The following UBR1 variants were observed in gnomAD, a reference collection of about 807,000 sequenced individuals.
The protein encoded by UBR1 is E3 ubiquitin-protein ligase UBR1.
UBR1 carries 102 observed loss-of-function variants against 242.1 expected under a neutral mutation model. That is an observed-to-expected ratio of 0.42 (90% confidence interval 0.36 to 0.50). The LOEUF is 0.50. UBR1 is among the 20% of genes least tolerant of loss of function. The pLI is 0.01. For missense variants in UBR1, 1,772 were observed against 2,101.8 expected (o/e 0.84, Z 3.07); for synonymous variants, 675 against 684.8 (o/e 0.99, Z 0.22).
chr15:43,071,495 G>A (rs980832481), intron 4 of UBR1, among the ~76,000 whole-genome samples: 3 of 152,174 alleles, frequency 2.0e-5, no homozygotes, highest in African/African-American at 7.2e-5. Context: ...GAGTTTCAGT[G>A]TCACAAGATG....
intron 37 of UBR1, among the ~76,000 whole-genome samples, chr15:42,981,740 C>T (rs1020326257): frequency 6.6e-6 from 1 of 152,076 alleles, no homozygotes; most frequent in Non-Finnish European, 1.5e-5. Flanking sequence ...TCCGCCGCAC[C>T]CAGCCACTTG....
Position 43,036,543 on chromosome 15 carries a change from A to G in UBR1, c.2073T>C (p.Asp691=). 1 of 1,596,976 alleles carries G rather than the reference A, an allele frequency of 6.3e-7. No homozygotes were observed. The highest frequency in any genetic ancestry group is 8.6e-7 in the Non-Finnish European group (1 of 1,164,656). ...AAATAGGTACCTGAAGCATGATGAT[A>G]TCTTTATCATACATTTCTTCTCTGC... ...VKCREEMYDK[D]IIMLQIGASL... Residue 691 remains aspartate, a synonymous_variant, in exon 18 of 47, where the codon GAT becomes GAC. Transcript: ENST00000290650.
chr15:43,026,213 CAG>C (rs2141306606), intron 23 of UBR1: 1 of 254,136 alleles, frequency 3.9e-6, no homozygotes, highest in East Asian at 1.2e-4. Context: ...GCCTGGACAA[CAG>C]AGTGAGGCTC....
chr15:43,011,431 T>C (rs539043370), intron 29 of UBR1, among the ~76,000 whole-genome samples: 7 of 152,114 alleles, frequency 4.6e-5, no homozygotes, highest in Non-Finnish European at 8.8e-5. Flanking sequence ...TATAAGTCAG[T>C]AAGACAAGAG....
intron 33 of UBR1, among the ~76,000 whole-genome samples, chr15:42,991,244 C>A (rs1252228171): frequency 6.6e-6 from 1 of 151,780 alleles, no homozygotes; most frequent in Non-Finnish European, 1.5e-5. Context: ...CCACTGCACT[C>A]CAGCCTGGGC....
intron 30 of UBR1, among the ~76,000 whole-genome samples, chr15:43,004,969 G>A (rs2032786558): frequency 6.6e-6 from 1 of 151,564 alleles, no homozygotes; most frequent in Non-Finnish European, 1.5e-5. Flanking sequence ...TCTGAGATGT[G>A]GGGAGCACCT....
Position 43,056,411 on chromosome 15 carries a change from C to A in UBR1, c.1214G>T (p.Ser405Ile). 6.2e-7 allele frequency: 1 copy of A among 1,611,858 alleles called. No individual in the cohort carries two copies. Among genetic ancestry groups the A allele is most frequent in the Non-Finnish European group, 8.5e-7 (1 of 1,178,100 alleles). The change falls in exon 11 of 47, where the codon AGT becomes ATT. Residue 405 changes from serine (S) to isoleucine (I), a missense_variant. Around this residue, in one of 3 missense-constraint regions of UBR1, gnomAD observed 734 missense variants for 893.3 expected, o/e 0.82. Coordinates refer to ENST00000290650, the MANE Select transcript of UBR1 (RefSeq NM_174916.3). ...YYKQLQKEYI[S>I]DDHDRSISIT... Reference sequence around the variant, plus strand: ...AGAGATACTTCTGTCATGATCATCACTGATATATTCTTTCTGCAGTTGTTT... The same window carrying A: ...AGAGATACTTCTGTCATGATCATCAATGATATATTCTTTCTGCAGTTGTTT...
At chr15:43,100,749 C>A (rs2034222438) in intron 1 of UBR1, among the ~76,000 whole-genome samples, 1 of 152,110 alleles carries the variant, frequency 6.6e-6, no homozygotes. Flanking sequence ...GCAGGAGAAT[C>A]GCTTGAATCC....
At chr15:43,004,451 G>A (rs1444685823) in intron 30 of UBR1, among the ~76,000 whole-genome samples, 1 of 152,178 alleles carries the variant, frequency 6.6e-6, no homozygotes, top group South Asian at 2.1e-4. Context: ...CTGTACTGCC[G>A]CCATCTCGGC....
chr15:43,058,229 A>G, intron 10 of UBR1, 112 bp downstream of exon 10: 3 of 881,006 alleles, frequency 3.4e-6, no homozygotes, highest in Non-Finnish European at 5.3e-6. Context: ...CTTTTGACAA[A>G]GAAATAAATC....
intron 1 of UBR1, among the ~76,000 whole-genome samples, chr15:43,100,664 G>A (rs577948900): frequency 2.6e-5 from 4 of 152,086 alleles, no homozygotes; most frequent in Non-Finnish European, 4.4e-5. Flanking sequence ...GTGAAACCCC[G>A]TCTCTACTAA....
In UBR1 at chr15:42,945,276, A is replaced by G. The variant is rs1323823686; in HGVS notation, c.*53T>C. The G allele has an allele frequency of 1.7e-5, 27 of 1,613,538 alleles. No individual in the cohort carries two copies. Among genetic ancestry groups the G allele is most frequent in the Non-Finnish European group, 2.2e-5 (26 of 1,179,792 alleles). ...CTCAGAAAGTTTTCCATAATTTTGA[A>G]TCAGCCTTTACTACTGTCGTCATTT... is the stretch of plus-strand genomic sequence containing the variant. On this transcript the variant is annotated 3_prime_UTR_variant, in exon 47 of 47. Transcript: ENST00000290650.
intron 30 of UBR1, among the ~76,000 whole-genome samples, chr15:43,004,364 C>T (rs2032771291): frequency 6.6e-6 from 1 of 151,226 alleles, no homozygotes; most frequent in African/African-American, 2.4e-5. Context: ...CTCTCCTCTC[C>T]CTCCTCTCCC....
In UBR1 at chr15:43,076,557, C is replaced by T. The variant is rs916250105; in HGVS notation, c.418-1468G>A. Among the ~76,000 whole-genome samples the T allele has an allele frequency of 2.3e-4, 34 of 151,040 alleles. No individual in the cohort carries two copies. In the East Asian group the frequency reaches 6.8e-3, roughly 30 times the overall value. On this transcript the variant is annotated intron_variant, in intron 3 of 46. Transcript: ENST00000290650. ...TGTGGGGAGCGCCTCTGCCCCGCCG[C>T]CCTGTCTGGGATGTGAGGAGCGCCT...
At chr15:42,978,468 T>G (rs2032322985) in intron 37 of UBR1, among the ~76,000 whole-genome samples, 1 of 152,232 alleles carries the variant, frequency 6.6e-6, no homozygotes, top group African/African-American at 2.4e-5. Flanking sequence ...GCTCAAAAGC[T>G]ACTTAATCTT....
At chr15:43,025,548 A>G in intron 23 of UBR1, 119 bp from the exon 24 acceptor site, 1 of 717,352 alleles carries the variant, frequency 1.4e-6, no homozygotes, top group Non-Finnish European at 2.4e-6. Context: ...TGAAGCATGT[A>G]TTCAAAATGC....
chr15:43,061,602 T>C (rs550165709), intron 6 of UBR1, among the ~76,000 whole-genome samples: 11 of 152,104 alleles, frequency 7.2e-5, no homozygotes, highest in Middle Eastern at 3.4e-3. Flanking sequence ...TATATACACA[T>C]ACACAGGCTG....
chr15:42,978,037 T>C, intron 37 of UBR1, 90 bp from the exon 38 acceptor site: 4 of 963,600 alleles, frequency 4.2e-6, no homozygotes, highest in East Asian at 2.4e-5. Context: ...AAACCAAACA[T>C]ATAACAGGGT....
intron 1 of UBR1, chr15:43,092,023 T>TG (rs202210257): frequency 2.2e-6 from 1 of 448,386 alleles, no homozygotes; most frequent in African/African-American, 2.1e-5. Context: ...GAGGGAGAGG[T>TG]CAGTGAGCGG....
Sources: allele counts gnomAD v4.1 joint callset (sites outside exome capture counted in the v4.1 genomes callset), GRCh38; gene constraint gnomAD v4.1.1; regional missense constraint gnomAD v4.1.1; transcripts MANE v1.5; gene names NCBI Gene and HGNC (gene_info 2026-07-23, HGNC 2026-07-21).